HACE1: variants seen among roughly 807,000 people sequenced by gnomAD.
HACE1 encodes E3 ubiquitin-protein ligase HACE1.
A neutral mutation model predicts 118.4 loss-of-function variants in HACE1; 73 were observed. That is an observed-to-expected ratio of 0.62 (90% CI 0.51 to 0.75). HACE1 has a LOEUF of 0.75. Ranked by LOEUF, HACE1 falls within the 30% of genes least tolerant of loss-of-function variation. The pLI is 0.00. For missense variants in HACE1, 749 were observed against 1,102.2 expected (o/e 0.68, Z 4.54); for synonymous variants, 368 against 374.8 (o/e 0.98, Z 0.21).
chr6:104,854,718 G>A (rs530288463), intron 1 of HACE1, among the ~76,000 whole-genome samples: 2 of 152,104 alleles, frequency 1.3e-5, no homozygotes, highest in South Asian at 4.2e-4. Context: ...AATTGTATTG[G>A]CTCTAGTAAT....
At chr6:104,830,229 A>G (rs1293654863) in intron 6 of HACE1, among the ~76,000 whole-genome samples, 1 of 152,202 alleles carries the variant, frequency 6.6e-6, no homozygotes, top group African/African-American at 2.4e-5. Flanking sequence ...ATTCTCTAAT[A>G]TGCAATAGTG....
Position 104,792,875 on chromosome 6 carries a change from T to C in HACE1, c.924-1221A>G, listed in dbSNP as rs138745891. ...TCATTTGCTCCTCCTCCCTGCTCTT[T>C]CTACCCAATAAATACCAAGGGCTGC... is the stretch of plus-strand genomic sequence containing the variant. On this transcript the variant is annotated intron_variant, in intron 10 of 23. Transcript: ENST00000262903. Among the ~76,000 whole-genome samples the C allele has an allele frequency of 6.3e-3, 961 of 152,298 alleles. 6 individuals carry two copies. Among genetic ancestry groups the C allele is most frequent in the Middle Eastern group, 0.017 (5 of 294 alleles).
chr6:104,814,551 A>C lies in HACE1; in HGVS notation c.535-3158T>G, dbSNP rs1326659105. 1.4e-5 allele frequency among the ~76,000 whole-genome samples: 2 copies of C among 138,414 alleles called. 1 individual carries two copies. Among genetic ancestry groups the C allele is most frequent in the African/African-American group, 5.8e-5 (2 of 34,656 alleles). 90.8% of individuals were successfully genotyped at this position (138,414 alleles called of 152,430 possible). A position where few individuals can be genotyped will look rare whatever the true frequency, so the allele number is the denominator to read the frequency against. ...GCTACTGAAGCATATCCTCCTCCAA[A>C]GAAAGAGAATAAACCATAATAGAAG... On this transcript the variant is annotated intron_variant, in intron 6 of 23. Coordinates refer to ENST00000262903, the MANE Select transcript of HACE1 (RefSeq NM_020771.4).
intron 17 of HACE1, among the ~76,000 whole-genome samples, chr6:104,775,313 G>A (rs1043831441): frequency 1.3e-5 from 2 of 152,084 alleles, no homozygotes; most frequent in African/African-American, 4.8e-5. Context: ...GAGCCCGGGA[G>A]GTCAAGGCTG....
intron 5 of HACE1, among the ~76,000 whole-genome samples, chr6:104,835,125 A>G (rs1433759289): frequency 6.6e-6 from 1 of 152,228 alleles, no homozygotes; most frequent in African/African-American, 2.4e-5. Context: ...GACCAGTTCA[A>G]GAGTAAATGC....
intron 4 of HACE1, among the ~76,000 whole-genome samples, chr6:104,848,301 C>T (rs1165555622): frequency 2.0e-5 from 3 of 150,998 alleles, no homozygotes; most frequent in Non-Finnish European, 4.4e-5. Flanking sequence ...ACTAAAAATA[C>T]AAAAATTAGC....
chr6:104,807,257 C>T (rs1211903188), intron 7 of HACE1, among the ~76,000 whole-genome samples: 3 of 152,138 alleles, frequency 2.0e-5, no homozygotes, highest in East Asian at 1.9e-4. Flanking sequence ...CTCTTGACCT[C>T]GTGATCCACC....
chr6:104,845,984 C>A (rs1465256694), intron 4 of HACE1, among the ~76,000 whole-genome samples: 1 of 152,178 alleles, frequency 6.6e-6, no homozygotes, highest in Non-Finnish European at 1.5e-5. Flanking sequence ...CTATTATGGA[C>A]CACTGGCCTA....
intron 11 of HACE1, among the ~76,000 whole-genome samples, chr6:104,790,206 T>C (rs1209912662): frequency 6.6e-6 from 1 of 152,190 alleles, no homozygotes; most frequent in Non-Finnish European, 1.5e-5. Context: ...ATAACCTTTC[T>C]AAAAGACTAC....
In HACE1 at chr6:104,834,917, G is replaced by A. The variant is rs562676962; in HGVS notation, c.403-1744C>T. ...GCCAGTAATGGCCCCCACTCAACCA[G>A]ATAGAATGCAAGAGGCTTGAAAACA... On this transcript the variant is annotated intron_variant, in intron 5 of 23. Coordinates refer to ENST00000262903, the MANE Select transcript of HACE1 (RefSeq NM_020771.4). Among the ~76,000 whole-genome samples the A allele has an allele frequency of 8.5e-5, 13 of 152,318 alleles. 1 individual carries two copies. The highest frequency in any genetic ancestry group is 3.1e-4 in the African/African-American group (13 of 41,570).
chr6:104,785,392 A>G, intron 11 of HACE1, 73 bp from the exon 12 acceptor site: 1 of 848,134 alleles, frequency 1.2e-6, no homozygotes. Context: ...ACAAAACACA[A>G]CTAGACAAAT....
chr6:104,763,149 G>A (rs1779600091), intron 19 of HACE1, among the ~76,000 whole-genome samples: 2 of 152,016 alleles, frequency 1.3e-5, no homozygotes, highest in South Asian at 2.1e-4. Context: ...AAGGAGAAGT[G>A]TGTTTTCATG....
intron 6 of HACE1, among the ~76,000 whole-genome samples, chr6:104,819,957 G>C (rs1160159591): frequency 6.6e-6 from 1 of 152,114 alleles, no homozygotes; most frequent in African/African-American, 2.4e-5. Flanking sequence ...AGCACTTTGG[G>C]AGGCCAATGC....
intron 6 of HACE1, among the ~76,000 whole-genome samples, chr6:104,822,314 C>T (rs535793030): frequency 2.0e-5 from 3 of 148,394 alleles, no homozygotes; most frequent in African/African-American, 7.5e-5. Context: ...ACCCAGGAGG[C>T]AGAGCTTGCA....
intron 6 of HACE1, among the ~76,000 whole-genome samples, chr6:104,821,719 A>G (rs746105971): frequency 6.6e-6 from 1 of 152,256 alleles, no homozygotes; most frequent in Non-Finnish European, 1.5e-5. Context: ...ACCCAAGTCC[A>G]TGTTCATAAT....
At chr6:104,826,650 G>C (rs773679192) in intron 6 of HACE1, among the ~76,000 whole-genome samples, 1 of 152,132 alleles carries the variant, frequency 6.6e-6, no homozygotes, top group Non-Finnish European at 1.5e-5. Context: ...ATGCAAACAC[G>C]TAAAAGCATG....
intron 1 of HACE1, among the ~76,000 whole-genome samples, chr6:104,854,389 C>T (rs1776525813): frequency 6.6e-6 from 1 of 152,098 alleles, no homozygotes; most frequent in Non-Finnish European, 1.5e-5. Flanking sequence ...TTATTTTTGA[C>T]AACTGTACTG....
chr6:104,742,428 T>TGACTC (rs1776857781), intron 22 of HACE1, among the ~76,000 whole-genome samples: 1 of 150,570 alleles, frequency 6.6e-6, no homozygotes, highest in Non-Finnish European at 1.5e-5. Flanking sequence ...AAAGGGCTAA[T>TGACTC]ATCCAGAATC....
Position 104,827,488 on chromosome 6 carries a change from C to T in HACE1, c.534+5554G>A, listed in dbSNP as rs1052834841. ...GAACTTTGAATTCTTACATAGTATCCGGCAAAAATCATTATCATCTGGTTG... is the reference window on the plus strand; with the variant it reads ...GAACTTTGAATTCTTACATAGTATCTGGCAAAAATCATTATCATCTGGTTG... On this transcript the variant is annotated intron_variant, in intron 6 of 23. Coordinates refer to ENST00000262903, the MANE Select transcript of HACE1 (RefSeq NM_020771.4). Among the ~76,000 whole-genome samples, 16 of 151,930 alleles carry T rather than the reference C, an allele frequency of 1.1e-4. 2 individuals are homozygous for T.
Sources: gnomAD v4.1 joint callset for allele counts (sites outside exome capture counted in the v4.1 genomes callset) on GRCh38, gnomAD v4.1.1 for gene constraint, MANE v1.5 for transcripts, NCBI Gene and HGNC (gene_info 2026-07-23, HGNC 2026-07-21) for gene names.